The following STPG2 variants were observed in gnomAD, a reference collection of about 807,000 sequenced individuals.
STPG2 encodes the protein sperm-tail PG-rich repeat-containing protein 2.
A neutral mutation model predicts 54.2 loss-of-function variants in STPG2; 56 were observed. The observed-to-expected ratio is 1.03, with a 90% CI of 0.83 to 1.29. The LOEUF is 1.29. Among genes scored for constraint, STPG2 ranks in the 50% most tolerant of loss-of-function variants. The pLI is 0.00. For synonymous variants in STPG2, 200 were observed against 181.8 expected (o/e 1.10, Z -0.81); for missense variants, 596 against 544.9 (o/e 1.09, Z -0.93).
chr4:98,069,748 G>T (rs536469975), intron 5 of STPG2, among the ~76,000 whole-genome samples: 2 of 151,878 alleles, frequency 1.3e-5, no homozygotes, highest in African/African-American at 4.8e-5. Flanking sequence ...AGTAACTTAC[G>T]GCACATATTT....
intron 4 of STPG2, among the ~76,000 whole-genome samples, chr4:97,527,925 A>G (rs1053689328): frequency 1.1e-4 from 16 of 152,098 alleles, no homozygotes; most frequent in African/African-American, 3.9e-4. Context: ...ATAGATTTCA[A>G]AATTTTTCTC....
chr4:97,842,678 C>A (rs1008328313), intron 8 of STPG2, among the ~76,000 whole-genome samples: 1 of 151,880 alleles, frequency 6.6e-6, no homozygotes, highest in African/African-American at 2.4e-5. Flanking sequence ...AGACAAGAAA[C>A]TGCATCAGTG....
intron 6 of STPG2, among the ~76,000 whole-genome samples, chr4:97,979,794 G>A (rs1460149253): frequency 6.7e-5 from 10 of 149,924 alleles, no homozygotes; most frequent in Admixed American, 4.0e-4. Flanking sequence ...GCACTATCTC[G>A]GCTCACTGCA....
At chr4:97,852,967 CTTTTTTTTTTTTTT>C (rs574886386) in intron 8 of STPG2, among the ~76,000 whole-genome samples, 3 of 69,630 alleles carry the variant, frequency 4.3e-5, no homozygotes, top group African/African-American at 6.3e-5. Context: ...AACATATTTT[CTTTTTTTTTTTTTT>C]TTTTTTTTTT....
intron 8 of STPG2, among the ~76,000 whole-genome samples, chr4:97,848,220 G>C (rs911684518): frequency 2.0e-5 from 3 of 152,112 alleles, no homozygotes; most frequent in African/African-American, 7.2e-5. Flanking sequence ...ACCCTAGCTA[G>C]AAGTGATATC....
intron 10 of STPG2, among the ~76,000 whole-genome samples, chr4:97,654,506 A>G (rs530177731): frequency 2.6e-4 from 40 of 151,944 alleles, no homozygotes; most frequent in Non-Finnish European, 4.7e-4. Context: ...TACAATTGCA[A>G]CTCTACCCTT....
chr4:97,452,410 C>T (rs187433334), intron 4 of STPG2, among the ~76,000 whole-genome samples: 301 of 152,198 alleles, frequency 2.0e-3, no homozygotes, highest in African/African-American at 6.4e-3. Context: ...AGGCCAGGAA[C>T]GGCCTGAAGG....
Position 97,475,187 on chromosome 4 carries a change from G to T in STPG2, c.462+237512C>A, listed in dbSNP as rs546691215. ...ACATAGATTTTGCTGGGGGCAAATA[G>T]TTTTTCCAAAAATACTTTAGCACTG... On this transcript the variant is annotated intron_variant, in intron 4 of 4. Transcript: ENST00000522676. Among the ~76,000 whole-genome samples the T allele has an allele frequency of 5.9e-5, 9 of 151,928 alleles. No homozygotes were observed. In the South Asian group the frequency reaches 1.2e-3, roughly 21 times the overall value.
intron 4 of STPG2, among the ~76,000 whole-genome samples, chr4:97,507,497 A>G (rs886853960): frequency 1.3e-5 from 2 of 152,092 alleles, no homozygotes; most frequent in Admixed American, 1.3e-4. Flanking sequence ...CAACTGCAAT[A>G]CAATTCCAGC....
chr4:97,564,859 C>T (rs1001748358), intron 10 of STPG2, among the ~76,000 whole-genome samples: 39 of 152,102 alleles, frequency 2.6e-4, no homozygotes, highest in Non-Finnish European at 4.1e-4. Flanking sequence ...CTCTGGCTGC[C>T]GTTAACATTT....
intron 9 of STPG2, among the ~76,000 whole-genome samples, chr4:97,788,215 C>T (rs1726885391): frequency 6.6e-6 from 1 of 152,188 alleles, no homozygotes; most frequent in South Asian, 2.1e-4. Context: ...TCCCCGCTTC[C>T]CCTATGACCC....
chr4:97,993,210 G>A (rs1281761720), intron 5 of STPG2, among the ~76,000 whole-genome samples: 1 of 152,088 alleles, frequency 6.6e-6, no homozygotes, highest in Non-Finnish European at 1.5e-5. Flanking sequence ...CTATAATGTT[G>A]CCTGTGGGTT....
chr4:97,837,981 C>T (rs904105481), intron 9 of STPG2, among the ~76,000 whole-genome samples: 17 of 151,516 alleles, frequency 1.1e-4, no homozygotes, highest in East Asian at 7.7e-4. Flanking sequence ...AAACGATGTG[C>T]GTTTTTTAAG....
chr4:98,076,847 A>G (rs2110112342), intron 5 of STPG2, among the ~76,000 whole-genome samples: 1 of 152,334 alleles, frequency 6.6e-6, no homozygotes, highest in African/African-American at 2.4e-5. Flanking sequence ...TAAAACCTAC[A>G]TATACATTAA....
At chr4:97,566,236 G>A (rs1280238798) in intron 10 of STPG2, among the ~76,000 whole-genome samples, 5 of 152,294 alleles carry the variant, frequency 3.3e-5, no homozygotes, top group South Asian at 2.1e-4. Context: ...AGGACCCTCC[G>A]AGCCTGGTGC....
intron 4 of STPG2, among the ~76,000 whole-genome samples, chr4:97,447,711 G>A (rs922170686): frequency 6.6e-6 from 1 of 152,212 alleles, no homozygotes; most frequent in African/African-American, 2.4e-5. Context: ...AGATTTCAGA[G>A]GATGTATGGA....
intron 10 of STPG2, among the ~76,000 whole-genome samples, chr4:97,615,353 T>C (rs1294797656): frequency 6.6e-6 from 1 of 152,168 alleles, no homozygotes; most frequent in East Asian, 1.9e-4. Context: ...AAACCCCTCA[T>C]ATGTAGAGAA....
chr4:98,047,149 T>C (rs1001712860), intron 5 of STPG2, among the ~76,000 whole-genome samples: 7 of 152,162 alleles, frequency 4.6e-5, no homozygotes, highest in Admixed American at 1.3e-4. Context: ...CTCTTCGTTC[T>C]ATGTGGTCTC....
intron 9 of STPG2, among the ~76,000 whole-genome samples, chr4:97,786,803 G>C (rs1029426960): frequency 3.3e-5 from 5 of 151,916 alleles, no homozygotes; most frequent in African/African-American, 1.2e-4. Flanking sequence ...CCACTCACCT[G>C]TTGGTCACTT....
Sources: gnomAD v4.1 joint callset for allele counts (sites outside exome capture counted in the v4.1 genomes callset) on GRCh38, gnomAD v4.1.1 for gene constraint, MANE v1.5 for transcripts, NCBI Gene and HGNC (gene_info 2026-07-23, HGNC 2026-07-21) for gene names.